PDE1C: variants seen among roughly 807,000 people sequenced by gnomAD.
PDE1C encodes the protein phosphodiesterase 1C, also known as dual specificity calcium/calmodulin-dependent 3',5'-cyclic nucleotide phosphodiesterase 1C.
PDE1C carries 62 observed loss-of-function variants against 93.1 expected under a neutral mutation model. The observed-to-expected ratio is 0.67, with a 90% CI of 0.54 to 0.82. The LOEUF (loss-of-function observed/expected upper bound fraction) is 0.82, where lower values mean the gene tolerates loss of function less well. PDE1C is among the 40% of genes least tolerant of loss of function. PDE1C has a pLI of 0.00. For missense variants in PDE1C, 742 were observed against 884.6 expected, an observed-to-expected ratio of 0.84 and a Z score of 2.04; for synonymous variants, 325 against 310.1, an observed-to-expected ratio of 1.05 and a Z score of -0.50.
intron 16 of PDE1C, among the ~76,000 whole-genome samples, chr7:31,779,053 AAAAC>A (rs1783205030): frequency 6.6e-6 from 1 of 152,216 alleles, no homozygotes; most frequent in Non-Finnish European, 1.5e-5. Flanking sequence ...ACAAAAATGA[AAAAC>A]AAAGCCAGTT....
chr7:31,686,187 G>A, the PDE1C span, among the ~76,000 whole-genome samples: 1 of 152,198 alleles, frequency 6.6e-6, no homozygotes, highest in East Asian at 1.9e-4. Flanking sequence ...TCCATTGGCT[G>A]CTATCAGGGG....
At chr7:31,933,066 G>A (rs1031754215) in intron 2 of PDE1C, among the ~76,000 whole-genome samples, 1 of 151,894 alleles carries the variant, frequency 6.6e-6, no homozygotes, top group Non-Finnish European at 1.5e-5. Context: ...GATCTGTCAG[G>A]GGTTAAGGGG....
At chr7:32,309,292 C>T (rs1245108624) in intron 1 of PDE1C, among the ~76,000 whole-genome samples, 3 of 152,136 alleles carry the variant, frequency 2.0e-5, no homozygotes, top group Admixed American at 6.5e-5. Flanking sequence ...CTGAAAGTGA[C>T]AGAGAGAATG....
chr7:32,079,013 G>A (rs73098679), intron 3 of PDE1C, among the ~76,000 whole-genome samples: 18,832 of 152,048 alleles, frequency 0.12, 1,670 homozygotes, highest in East Asian at 0.43. Flanking sequence ...TGTAGGAGAT[G>A]CAAAGTGGAA....
At chr7:31,783,481 A>G (rs1326343136) in intron 16 of PDE1C, 1 of 152,142 alleles carries the variant, frequency 6.6e-6, no homozygotes. Context: ...AATGGGAAAC[A>G]TTCAAAGAAA....
At chr7:31,868,517 A>C (rs1304701053) in intron 6 of PDE1C, among the ~76,000 whole-genome samples, 1 of 152,144 alleles carries the variant, frequency 6.6e-6, no homozygotes, top group Non-Finnish European at 1.5e-5. Context: ...ATAAAGAAAA[A>C]AGAATAAACA....
At chr7:32,005,644 AGGG>A (rs1206673077) in intron 2 of PDE1C, among the ~76,000 whole-genome samples, 4 of 151,184 alleles carry the variant, frequency 2.6e-5, no homozygotes, top group African/African-American at 9.7e-5. Context: ...GTGTAAAAGA[AGGG>A]GTGTATGAGT....
chr7:32,005,780 C>G (rs925364872), intron 2 of PDE1C, among the ~76,000 whole-genome samples: 1 of 152,014 alleles, frequency 6.6e-6, no homozygotes. Flanking sequence ...CATCCACAGT[C>G]CTGGGGGTTG....
chr7:32,222,600 G>T (rs1029947638), intron 1 of PDE1C, among the ~76,000 whole-genome samples: 1 of 152,176 alleles, frequency 6.6e-6, no homozygotes, highest in Non-Finnish European at 1.5e-5. Flanking sequence ...CAATTTGGGG[G>T]TTACAAACTG....
chr7:31,621,743 T>C, the PDE1C span, among the ~76,000 whole-genome samples: 4 of 144,384 alleles, frequency 2.8e-5, no homozygotes, highest in Non-Finnish European at 3.1e-5. Flanking sequence ...CAGGATCAAA[T>C]TCACACATAA....
chr7:32,407,665 G>A, intron 1 of PDE1C, among the ~76,000 whole-genome samples: 1 of 152,172 alleles, frequency 6.6e-6, no homozygotes, highest in Non-Finnish European at 1.5e-5. Context: ...TAGGTATCTT[G>A]CTTTTCTCAC....
At chr7:32,031,711 A>T (rs1790346362) in intron 2 of PDE1C, among the ~76,000 whole-genome samples, 1 of 152,188 alleles carries the variant, frequency 6.6e-6, no homozygotes, top group African/African-American at 2.4e-5. Flanking sequence ...GGATAAATAG[A>T]ATCAACAGAC....
intron 2 of PDE1C, among the ~76,000 whole-genome samples, chr7:32,172,422 C>T (rs756711504): frequency 6.6e-6 from 1 of 151,636 alleles, no homozygotes; most frequent in African/African-American, 2.4e-5. Context: ...ACTTACATGG[C>T]CACCAAACAT....
chr7:32,148,060 A>T (rs1202731771), intron 3 of PDE1C, among the ~76,000 whole-genome samples: 2 of 151,130 alleles, frequency 1.3e-5, no homozygotes, highest in Non-Finnish European at 2.9e-5. Context: ...AAATGACATC[A>T]TTCCAAGAAG....
intron 1 of PDE1C, among the ~76,000 whole-genome samples, chr7:32,366,190 A>G (rs1488950863): frequency 4.6e-5 from 7 of 152,184 alleles, no homozygotes; most frequent in Non-Finnish European, 1.0e-4. Flanking sequence ...AATCAGAAAA[A>G]CAATTCATGA....
At chr7:31,924,900 A>T (rs1443829643) in intron 2 of PDE1C, among the ~76,000 whole-genome samples, 2 of 152,246 alleles carry the variant, frequency 1.3e-5, no homozygotes, top group Non-Finnish European at 2.9e-5. Flanking sequence ...GCCAAAAAGC[A>T]GTCTTTAATT....
rs1396667274 is a variant in PDE1C at position 32,142,509 on chromosome 7, G to GTTT, written c.308+27275_308+27276insAAA. On this transcript the variant is annotated intron_variant, in intron 3 of 18. Coordinates refer to the PDE1C transcript ENST00000396193. ...TCACCAATCCCACTTTCTTGTCCAG[G>GTTT]GCCCACAGAAAAACTGCACTTCCCA... Among the ~76,000 whole-genome samples the GTTT allele has an allele frequency of 2.3e-4, 35 of 152,220 alleles. 1 individual carries two copies. Among genetic ancestry groups the GTTT allele is most frequent in the African/African-American group, 6.7e-4 (28 of 41,518 alleles).
rs538324850 is a variant in PDE1C at position 32,390,503 on chromosome 7, G to C, written c.310+37319C>G. 4.7e-5 allele frequency among the ~76,000 whole-genome samples: 7 copies of C among 147,954 alleles called. No individual in the cohort carries two copies. In the East Asian group the frequency reaches 1.2e-3, roughly 26 times the overall value. Reference sequence around the variant, plus strand: ...AATGATCTGGCCAAATATGTCAGTAGTGCAAAGGCAGAAGAATCCTGCTCT... The same window carrying C: ...AATGATCTGGCCAAATATGTCAGTACTGCAAAGGCAGAAGAATCCTGCTCT... On this transcript the variant is annotated intron_variant, in intron 1 of 1. Transcript: ENST00000672256.
intron 3 of PDE1C, among the ~76,000 whole-genome samples, chr7:32,113,337 A>C (rs936571954): frequency 6.3e-5 from 9 of 143,378 alleles, no homozygotes; most frequent in Admixed American, 2.1e-4. Context: ...ATATATATCT[A>C]TCTCAATTTC....
Sources: allele counts gnomAD v4.1 joint callset (sites outside exome capture counted in the v4.1 genomes callset), GRCh38; gene constraint gnomAD v4.1.1; transcripts MANE v1.5; gene names NCBI Gene and HGNC (gene_info 2026-07-23, HGNC 2026-07-21).